The following EFR3A variants were observed in gnomAD, a reference collection of about 807,000 sequenced individuals.
The protein encoded by EFR3A is EFR3 homolog A.
A neutral mutation model predicts 104.4 loss-of-function variants in EFR3A; 76 were observed. That is an observed-to-expected ratio of 0.73 (90% CI 0.60 to 0.88). The LOEUF (loss-of-function observed/expected upper bound fraction) is 0.88. EFR3A is among the 40% of genes least tolerant of loss of function. The probability of loss-of-function intolerance (pLI) is 0.00; values close to 1 mark genes in which losing one functional copy is unlikely to be tolerated. For missense variants in EFR3A, 985 were observed against 1,012.5 expected, an observed-to-expected ratio of 0.97 and a Z score of 0.37; for synonymous variants, 330 against 330.0, an observed-to-expected ratio of 1.00 and a Z score of 0.00.
chr8:131,931,449 G>T (rs551353786), intron 1 of EFR3A, among the ~76,000 whole-genome samples: 39 of 152,140 alleles, frequency 2.6e-4, no homozygotes, highest in Non-Finnish European at 3.4e-4. Context: ...CCAAGACTGA[G>T]GGTAAATCCA....
chr8:131,905,029 G>T (rs959373419), intron 1 of EFR3A, among the ~76,000 whole-genome samples: 1 of 152,202 alleles, frequency 6.6e-6, no homozygotes, highest in African/African-American at 2.4e-5. Flanking sequence ...CTCGGTGTTG[G>T]AGGATTTTTA....
chr8:131,979,739 C>G (rs1353996966), intron 14 of EFR3A, among the ~76,000 whole-genome samples: 1 of 152,078 alleles, frequency 6.6e-6, no homozygotes, highest in Non-Finnish European at 1.5e-5. Context: ...TTTAGCAGCT[C>G]TTTTATATAG....
At chr8:131,980,679 ACT>A (rs1259250338) in intron 14 of EFR3A, among the ~76,000 whole-genome samples, 3 of 151,958 alleles carry the variant, frequency 2.0e-5, no homozygotes, top group Non-Finnish European at 4.4e-5. Context: ...CTTGAAATTT[ACT>A]CTCTTAGTTA....
chr8:131,907,341 C>T (rs1329159944), intron 1 of EFR3A, among the ~76,000 whole-genome samples: 1 of 152,180 alleles, frequency 6.6e-6, no homozygotes, highest in Non-Finnish European at 1.5e-5. Context: ...CTCCTGAGTT[C>T]ACAGATAACT....
chr8:131,984,195 TC>T lies in EFR3A; in HGVS notation c.1633del (p.Gln545ArgfsTer14). 1 of 1,612,580 alleles carries T rather than the reference TC, an allele frequency of 6.2e-7. No homozygotes were observed. The highest frequency in any genetic ancestry group is 8.5e-7 in the Non-Finnish European group (1 of 1,179,212). ...YLGCKEEDNV[Q>X]KNYELLYTSL... is the part of the protein sequence containing the mutation. ...TGGGTTGTAAAGAGGAAGACAACGTTCAGAAAAACTATGAACTACTTTATAC... is the reference window on the plus strand; with the variant it reads ...TGGGTTGTAAAGAGGAAGACAACGTTAGAAAAACTATGAACTACTTTATAC... On this transcript the variant is annotated frameshift_variant, in exon 15 of 23. Coordinates refer to ENST00000254624, the MANE Select transcript of EFR3A (RefSeq NM_015137.6). LOFTEE classifies it high-confidence loss of function.
At chr8:131,969,959 G>T (rs918312930) in intron 9 of EFR3A, among the ~76,000 whole-genome samples, 15 of 152,186 alleles carry the variant, frequency 9.9e-5, no homozygotes, top group African/African-American at 3.6e-4. Context: ...ACATGCAGAG[G>T]ATTTATACAA....
chr8:131,984,073 C>A, intron 14 of EFR3A, 66 bp from the exon 15 acceptor site: 3 of 1,405,630 alleles, frequency 2.1e-6, no homozygotes, highest in Admixed American at 2.3e-5. Context: ...AAAGTATATG[C>A]ATGTGAAATC....
chr8:132,003,683 G>A (rs796544861), intron 22 of EFR3A, among the ~76,000 whole-genome samples: 44 of 152,326 alleles, frequency 2.9e-4, no homozygotes, highest in African/African-American at 1.0e-3. Context: ...TTTCAGGGCA[G>A]TAATAAGTCT....
chr8:131,929,156 A>G (rs1050435466), intron 1 of EFR3A, among the ~76,000 whole-genome samples: 4 of 152,106 alleles, frequency 2.6e-5, no homozygotes, highest in Non-Finnish European at 4.4e-5. Flanking sequence ...AACAGAATTC[A>G]TTCTCTCTTC....
rs1586535762 is a variant in EFR3A, at chr8:131,920,997, T to C, written c.10+16675T>C. ...AGGAGCAGGGAATTCTTGGAGTAGA[T>C]TGGATCTTGTTGCCATTTGGTTAAG... On this transcript the variant is annotated intron_variant, in intron 1 of 22. Transcript: ENST00000254624. 3.3e-5 allele frequency among the ~76,000 whole-genome samples: 5 copies of C among 152,322 alleles called. No individual in the cohort carries two copies. In the South Asian group the frequency reaches 6.2e-4, roughly 19 times the overall value.
intron 14 of EFR3A, among the ~76,000 whole-genome samples, chr8:131,980,969 T>G (rs1236877082): frequency 8.6e-5 from 13 of 151,832 alleles, no homozygotes. Flanking sequence ...TCATCCATAT[T>G]GTCAAAAATG....
intron 17 of EFR3A, among the ~76,000 whole-genome samples, chr8:131,986,789 C>CA (rs10569128): frequency 0.18 from 12,114 of 67,258 alleles, 799 homozygotes; most frequent in South Asian, 0.33. Context: ...GACTCCATCT[C>CA]AAAAAAAAAA....
intron 9 of EFR3A, 33 bp from the exon 10 acceptor site, chr8:131,970,443 C>G (rs1819983479): frequency 6.3e-7 from 1 of 1,595,866 alleles, no homozygotes; most frequent in East Asian, 2.2e-5. Flanking sequence ...ATACTAGAAA[C>G]ATGTATCTTC....
intron 1 of EFR3A, among the ~76,000 whole-genome samples, chr8:131,919,667 A>T (rs1816908089): frequency 6.6e-6 from 1 of 151,910 alleles, no homozygotes; most frequent in South Asian, 2.1e-4. Context: ...CATTAAACAA[A>T]ATCCCTGGGA....
intron 1 of EFR3A, among the ~76,000 whole-genome samples, chr8:131,906,274 A>T (rs186155335): frequency 9.8e-5 from 15 of 152,334 alleles, no homozygotes; most frequent in Middle Eastern, 3.4e-3. Context: ...CAAAATTGTT[A>T]TTCTCTGTAG....
At chr8:131,940,999 T>C (rs770770977) in intron 2 of EFR3A, among the ~76,000 whole-genome samples, 3 of 151,564 alleles carry the variant, frequency 2.0e-5, no homozygotes, top group Non-Finnish European at 4.4e-5. Flanking sequence ...AAAAAAAAAA[T>C]GTTGTACTAG....
chr8:131,997,614 A>G (rs370534470), intron 19 of EFR3A, among the ~76,000 whole-genome samples: 5 of 152,122 alleles, frequency 3.3e-5, no homozygotes, highest in East Asian at 1.9e-4. Context: ...CTTTTCCCAA[A>G]TTCACCTCTT....
intron 5 of EFR3A, 45 bp downstream of exon 5, chr8:131,950,135 A>G: frequency 1.3e-6 from 2 of 1,518,484 alleles, no homozygotes; most frequent in South Asian, 1.2e-5. Context: ...TAATTTAGAG[A>G]TTAATATTGT....
At chr8:131,978,811 T>A (rs1405388154) in intron 12 of EFR3A, 36 bp from the exon 13 acceptor site, 2 of 1,426,408 alleles carry the variant, frequency 1.4e-6, no homozygotes, top group African/African-American at 1.5e-5. Flanking sequence ...AAAGGACTCA[T>A]GACAAAAGGT....
Sources: gnomAD v4.1 joint callset for allele counts (sites outside exome capture counted in the v4.1 genomes callset) on GRCh38, gnomAD v4.1.1 for gene constraint, MANE v1.5 for transcripts, NCBI Gene and HGNC (gene_info 2026-07-23, HGNC 2026-07-21) for gene names.